The following DISP1 variants were observed in gnomAD, a reference collection of about 807,000 sequenced individuals.
DISP1 encodes the protein dispatched RND transporter family member 1.
In DISP1, 30 loss-of-function variants were observed where a neutral mutation model predicts 37.3. The observed-to-expected ratio is 0.80, with a 90% CI of 0.60 to 1.09. The LOEUF (loss-of-function observed/expected upper bound fraction) is 1.09. DISP1 is among the 50% of genes least tolerant of loss of function. DISP1 has a pLI of 0.00. For missense variants in DISP1, 1,598 were observed against 1,879.5 expected, an observed-to-expected ratio of 0.85 and a Z score of 2.77; for synonymous variants, 634 against 690.2, an observed-to-expected ratio of 0.92 and a Z score of 1.28.
chr1:222,922,202 C>T (rs1672838239), intron 1 of DISP1, among the ~76,000 whole-genome samples: 1 of 151,772 alleles, frequency 6.6e-6, no homozygotes, highest in African/African-American at 2.4e-5. Context: ...ATCTTGTGTG[C>T]CAGCTAAGAT....
chr1:222,937,796 C>CTTTTTT (rs10714424), intron 2 of DISP1, among the ~76,000 whole-genome samples: 9 of 56,486 alleles, frequency 1.6e-4, no homozygotes, highest in African/African-American at 4.2e-4. Flanking sequence ...AATAGCTTGC[C>CTTTTTT]TTTTTTTTTT....
rs201522623 is a variant in DISP1 at position 223,003,774 on chromosome 1, G to A, written c.2377G>A (p.Val793Met). 110 of 1,614,140 alleles carry A rather than the reference G, an allele frequency of 6.8e-5. No individual in the cohort carries two copies. The highest frequency in any genetic ancestry group is 4.7e-4 in the Admixed American group (28 of 60,026). Residue 793 changes from valine to methionine, a missense_variant, in exon 9 of 9, where the codon GTG (valine) becomes ATG (methionine). Transcript: ENST00000675850. The surrounding 1 kb of genome is among the most constrained non-coding windows in gnomAD (Gnocchi z 4.3). ...LHMPITVIWG[V>M]SPEDNGNPLN... ...CATGCCCATCACAGTAATCTGGGGC[G>A]TGTCCCCAGAAGACAATGGCAACCC...
At chr1:222,961,031 C>T (rs1233178307) in intron 3 of DISP1, among the ~76,000 whole-genome samples, 2 of 152,036 alleles carry the variant, frequency 1.3e-5, no homozygotes, top group African/African-American at 4.8e-5. Context: ...CCGAATTTTA[C>T]CAGAGGTACA....
intron 1 of DISP1, among the ~76,000 whole-genome samples, chr1:222,826,404 A>G (rs1409219279): frequency 8.0e-6 from 1 of 125,764 alleles, no homozygotes; most frequent in African/African-American, 3.2e-5. Flanking sequence ...TTTTTGAGAC[A>G]GGGTCTCACT....
rs749711578 is a variant in DISP1 at position 223,003,796 on chromosome 1, A to G, written c.2399A>G (p.Asn800Ser). The G allele has an allele frequency of 1.2e-5, 19 of 1,614,170 alleles. No homozygotes were observed. The highest frequency in any genetic ancestry group is 1.6e-4 in the Middle Eastern group (1 of 6,062). The change falls in exon 9 of 9, where the codon AAC becomes AGC. Residue 800 changes from asparagine (N) to serine (S), a missense_variant. Asn to Ser is a conservative substitution (Grantham distance 46, BLOSUM62 1). Transcript: ENST00000675850. The surrounding 1 kb of genome is among the most constrained non-coding windows in gnomAD (Gnocchi z 4.3). ...IWGVSPEDNG[N>S]PLNPKSKGKL... ...GGCGTGTCCCCAGAAGACAATGGCA[A>G]CCCACTAAATCCCAAGAGTAAAGGG...
At chr1:222,940,674 A>G (rs1333893928) in intron 2 of DISP1, among the ~76,000 whole-genome samples, 2 of 152,240 alleles carry the variant, frequency 1.3e-5, no homozygotes, top group Non-Finnish European at 2.9e-5. Context: ...GATGGTAAAA[A>G]CAAACTAACA....
intron 7 of DISP1, among the ~76,000 whole-genome samples, chr1:222,993,161 T>C (rs1678827027): frequency 6.6e-6 from 1 of 152,116 alleles, no homozygotes; most frequent in Non-Finnish European, 1.5e-5. Context: ...CCACCGCACC[T>C]GGCCAAGAAT....
At chr1:222,883,542 G>A (rs1418888558) in intron 1 of DISP1, among the ~76,000 whole-genome samples, 4 of 152,186 alleles carry the variant, frequency 2.6e-5, no homozygotes, top group Non-Finnish European at 4.4e-5. Context: ...CCTTGAACCC[G>A]TGAGGCAAAG....
At chr1:222,898,473 C>T (rs1049913819) in intron 1 of DISP1, among the ~76,000 whole-genome samples, 3 of 151,450 alleles carry the variant, frequency 2.0e-5, no homozygotes, top group African/African-American at 7.3e-5. Flanking sequence ...AGTGTTCCTT[C>T]ATTTGTTCAT....
intron 1 of DISP1, among the ~76,000 whole-genome samples, chr1:222,902,096 T>C (rs1671622763): frequency 7.1e-6 from 1 of 141,688 alleles, no homozygotes; most frequent in Non-Finnish European, 1.6e-5. Context: ...GTTGATCTTT[T>C]CAAAAAACCA....
rs572279495 is a variant in DISP1, at chr1:222,876,841, A to G, written c.-158-51589A>G. On this transcript the variant is annotated intron_variant, in intron 1 of 8. Transcript: ENST00000675850. Reference sequence around the variant, plus strand: ...GGATTCCAGAACATTCCTTGGGGAAACTCCATTGTACTTGTAATGTTTTAT... The same window carrying G: ...GGATTCCAGAACATTCCTTGGGGAAGCTCCATTGTACTTGTAATGTTTTAT... 1.4e-4 allele frequency among the ~76,000 whole-genome samples: 22 copies of G among 152,316 alleles called. 1 individual carries two copies. The South Asian group carries it at 1.9e-3, about 13-fold the overall frequency.
At chr1:222,872,138 A>G (rs151311211) in intron 1 of DISP1, 6 of 152,232 alleles carry the variant, frequency 3.9e-5, no homozygotes, top group African/African-American at 1.2e-4. Context: ...GATGAAGCCC[A>G]CTTGATCGTG....
intron 1 of DISP1, among the ~76,000 whole-genome samples, chr1:222,816,328 C>T (rs931820841): frequency 6.6e-6 from 1 of 152,082 alleles, no homozygotes; most frequent in African/African-American, 2.4e-5. Flanking sequence ...GTGTTTCACT[C>T]AGTGTAATTA....
At position 223,005,185 on chromosome 1, in the gene DISP1, ACTT is replaced by A. The variant is rs776904120; in HGVS notation, c.3794_3796del (p.Phe1265del). Reference sequence around the variant, plus strand: ...CCTCTTGAACAGCATACCGTGTGTCACTTCTTCTCTCTGAATCAGAGATGTAGC... The same window carrying A: ...CCTCTTGAACAGCATACCGTGTGTCACTTCTCTCTGAATCAGAGATGTAGC... On this transcript the variant is annotated inframe_deletion, in exon 9 of 9. Coordinates refer to ENST00000675850, the MANE Select transcript of DISP1 (RefSeq NM_001377229.1). The A allele has an allele frequency of 7.4e-5, 120 of 1,614,026 alleles. No homozygotes were observed. Among genetic ancestry groups the A allele is most frequent in the Admixed American group, 1.2e-4 (7 of 59,996 alleles).
At chr1:222,866,848 C>T (rs1283213148) in intron 1 of DISP1, among the ~76,000 whole-genome samples, 1 of 152,088 alleles carries the variant, frequency 6.6e-6, no homozygotes, top group Admixed American at 6.5e-5. Context: ...TCTCTTTTGT[C>T]TTTAAGAATG....
chr1:222,843,670 A>G (rs1285844858), intron 1 of DISP1, among the ~76,000 whole-genome samples: 1 of 152,148 alleles, frequency 6.6e-6, no homozygotes, highest in East Asian at 1.9e-4. Flanking sequence ...AAGGAAAAGC[A>G]TCTGCTTCTT....
intron 4 of DISP1, 109 bp from the exon 5 acceptor site, chr1:222,990,516 T>C (rs1353520219): frequency 1.3e-6 from 2 of 1,514,992 alleles, no homozygotes; most frequent in African/African-American, 2.7e-5. Flanking sequence ...ATTTAATAAA[T>C]TGCTGTCTTA....
chr1:222,910,598 A>G (rs1672156245), intron 1 of DISP1, among the ~76,000 whole-genome samples: 1 of 152,210 alleles, frequency 6.6e-6, no homozygotes, highest in Non-Finnish European at 1.5e-5. Flanking sequence ...GAAATGTGTG[A>G]ACATGATTTG....
rs768200763 is a variant in DISP1 at position 222,992,108 on chromosome 1, C to T, written c.887C>T (p.Pro296Leu). 3 of 1,610,990 alleles carry T rather than the reference C, an allele frequency of 1.9e-6. No homozygotes were observed. Residue 296 changes from proline to leucine, a missense_variant and splice_region_variant, in exon 7 of 9, where the codon CCA (proline) becomes CTA (leucine). Transcript: ENST00000675850. Reference protein sequence around the residue: ...FHKDSFFCDVPSDRYSRVVFT... With the variant: ...FHKDSFFCDVLSDRYSRVVFT... Reference sequence around the variant, plus strand: ...AAGGACAGCTTTTTCTGCGACGTTCCAAGTGAGTGACATTGTAGATGAACA... The same window carrying T: ...AAGGACAGCTTTTTCTGCGACGTTCTAAGTGAGTGACATTGTAGATGAACA...
Sources: gnomAD v4.1 joint callset for allele counts (sites outside exome capture counted in the v4.1 genomes callset) on GRCh38, gnomAD v4.1.1 for gene constraint, Gnocchi (gnomAD v3.1) non-coding constraint, MANE v1.5 for transcripts, NCBI Gene and HGNC (gene_info 2026-07-23, HGNC 2026-07-21) for gene names.